Variants in WASHC3 observed in about 807,000 individuals in gnomAD.
The protein encoded by WASHC3 is WASH complex subunit 3.
In WASHC3, 24 loss-of-function variants were observed where a neutral mutation model predicts 26.1. The ratio of observed to expected loss-of-function variants is 0.92; its 90% CI spans 0.66 to 1.29. The LOEUF (loss-of-function observed/expected upper bound fraction) is 1.29, where lower values mean the gene tolerates loss of function less well. WASHC3 is among the 50% of genes most tolerant of loss of function. The pLI is 0.00. For missense variants in WASHC3, 214 were observed against 229.6 expected, an observed-to-expected ratio of 0.93 and a Z score of 0.44; for synonymous variants, 77 against 75.7, an observed-to-expected ratio of 1.02 and a Z score of -0.09.
chr12:102,017,924 T>C, intron 6 of WASHC3: 2 of 272,996 alleles, frequency 7.3e-6, no homozygotes, highest in South Asian at 3.3e-5. Context: ...TCCTGAACTC[T>C]CTTCATCTTG....
chr12:102,061,470 A>G, intron 1 of WASHC3, 124 bp from the exon 2 acceptor site: 1 of 686,766 alleles, frequency 1.5e-6, no homozygotes, highest in Non-Finnish European at 2.6e-6. Context: ...AGGACTGGGA[A>G]TAGTCATTAA....
intron 3 of WASHC3, among the ~76,000 whole-genome samples, chr12:102,044,976 G>A (rs1313685943): frequency 6.6e-6 from 1 of 151,966 alleles, no homozygotes; most frequent in African/African-American, 2.4e-5. Context: ...AAATAACTAA[G>A]GTTAACTTGT....
At chr12:102,018,381 C>T (rs1004877518) in intron 6 of WASHC3, among the ~76,000 whole-genome samples, 3 of 152,190 alleles carry the variant, frequency 2.0e-5, no homozygotes, top group Non-Finnish European at 4.4e-5. Context: ...GATCACAATA[C>T]TCTTTTCTGT....
intron 2 of WASHC3, among the ~76,000 whole-genome samples, chr12:102,060,514 C>T (rs1232884785): frequency 1.3e-5 from 2 of 152,236 alleles, no homozygotes; most frequent in African/African-American, 4.8e-5. Flanking sequence ...ATTTTCATTT[C>T]TATAATCATA....
chr12:102,054,171 A>G (rs923406731), intron 2 of WASHC3, among the ~76,000 whole-genome samples: 1 of 152,216 alleles, frequency 6.6e-6, no homozygotes, highest in African/African-American at 2.4e-5. Context: ...GAAGAAAGGA[A>G]CAAAAGATCT....
chr12:102,041,878 C>T (rs1298150380), intron 4 of WASHC3, among the ~76,000 whole-genome samples: 1 of 151,776 alleles, frequency 6.6e-6, no homozygotes, highest in Non-Finnish European at 1.5e-5. Flanking sequence ...AGAGATATAC[C>T]AGGTTATTCT....
intron 2 of WASHC3, 122 bp from the exon 3 acceptor site, chr12:102,046,241 T>C: frequency 1.7e-6 from 1 of 581,040 alleles, no homozygotes; most frequent in East Asian, 3.0e-5. Flanking sequence ...TACAGTACTG[T>C]CTTATTTACA....
At chr12:102,061,825 C>T in intron 1 of WASHC3, 87 bp downstream of exon 1, 1 of 1,206,594 alleles carries the variant, frequency 8.3e-7, no homozygotes, top group South Asian at 1.4e-5. Context: ...AGGGTGGGGA[C>T]TCGGAAGGTG....
At chr12:102,018,313 T>C (rs1447267629) in intron 6 of WASHC3, among the ~76,000 whole-genome samples, 1 of 152,226 alleles carries the variant, frequency 6.6e-6, no homozygotes, top group Non-Finnish European at 1.5e-5. Context: ...TTTCAATTCT[T>C]TTGGGTACAT....
intron 6 of WASHC3, among the ~76,000 whole-genome samples, chr12:102,019,826 C>G (rs1876873340): frequency 6.6e-6 from 1 of 152,084 alleles, no homozygotes; most frequent in African/African-American, 2.4e-5. Flanking sequence ...TAAAAATGAG[C>G]CAAAATATAC....
At chr12:102,057,915 A>G (rs965497337) in intron 2 of WASHC3, among the ~76,000 whole-genome samples, 1 of 152,074 alleles carries the variant, frequency 6.6e-6, no homozygotes, top group Non-Finnish European at 1.5e-5. Flanking sequence ...AAAATCCTAA[A>G]ATTCATACTG....
At chr12:102,047,116 A>G (rs564675526) in intron 2 of WASHC3, among the ~76,000 whole-genome samples, 1 of 152,360 alleles carries the variant, frequency 6.6e-6, no homozygotes, top group South Asian at 2.1e-4. Context: ...AAAGAAAGGT[A>G]GCATCATAAA....
rs548926958 is a variant in WASHC3 at position 102,031,598 on chromosome 12, A to G, written c.436-5560T>C. ...TCATTTGTATCTTTTCTTTATATTC[A>G]TAAGTGTGGCAAATCAAAGTCATTG... On this transcript the variant is annotated intron_variant, in intron 5 of 6. Transcript: ENST00000240079. Among the ~76,000 whole-genome samples, 5 of 152,294 alleles carry G rather than the reference A, an allele frequency of 3.3e-5. No individual in the cohort carries two copies. The East Asian group carries it at 5.8e-4, about 18-fold the overall frequency.
intron 6 of WASHC3, among the ~76,000 whole-genome samples, chr12:102,024,404 C>T (rs553314898): frequency 7.2e-5 from 11 of 152,210 alleles, no homozygotes; most frequent in East Asian, 5.8e-4. Flanking sequence ...GTGAACTAAA[C>T]GGCAATGGAT....
chr12:102,050,837 A>T (rs1282755734), intron 2 of WASHC3, among the ~76,000 whole-genome samples: 2 of 152,188 alleles, frequency 1.3e-5, no homozygotes, highest in African/African-American at 4.8e-5. Flanking sequence ...GTCCCAATGG[A>T]TGACCATAAG....
intron 6 of WASHC3, among the ~76,000 whole-genome samples, chr12:102,018,470 T>C (rs570770432): frequency 6.6e-6 from 1 of 152,286 alleles, no homozygotes; most frequent in Middle Eastern, 3.4e-3. Flanking sequence ...GTACTTATTG[T>C]CTTTGTTTGT....
chr12:102,030,351 T>C (rs930517759), intron 5 of WASHC3, among the ~76,000 whole-genome samples: 1 of 151,044 alleles, frequency 6.6e-6, no homozygotes, highest in African/African-American at 2.4e-5. Flanking sequence ...AGGATGTACA[T>C]TTAGGATGAA....
In WASHC3 at chr12:102,023,011, C is replaced by T. The variant is rs77873254; in HGVS notation, c.500+2963G>A. On this transcript the variant is annotated intron_variant, in intron 6 of 6. Transcript: ENST00000240079. ...TTTTAGAAGCTAAACAGGACTAATT[C>T]TTGGTTATATATAAATGATTATTTT... 2.0e-3 allele frequency among the ~76,000 whole-genome samples: 305 copies of T among 151,622 alleles called. 1 individual carries two copies. Among genetic ancestry groups the T allele is most frequent in the African/African-American group, 7.0e-3 (289 of 41,338 alleles).
rs1876552535 is a variant in WASHC3 at position 102,013,182 on chromosome 12, C to G, written c.511G>C (p.Ala171Pro). ...LDPDLLERPD[A>P]PVPDGESEKT... ...TCACTTTCGCCATCAGGCACTGGAG[C>G]ATCTGGCCTCCTAAAAGAAAAGAAA... The change falls in exon 7 of 7, where the codon GCT (alanine) becomes CCT (proline). Residue 171 changes from alanine (A) to proline (P), a missense_variant. Physicochemically the swap from Ala to Pro is conservative, Grantham distance 27. Transcript: ENST00000240079. 1 of 1,522,280 alleles carries G rather than the reference C, an allele frequency of 6.6e-7. No individual in the cohort carries two copies. The highest frequency in any genetic ancestry group is 1.2e-5 in the South Asian group (1 of 82,626). The allele number at this position is 1,522,280 out of a possible 1,614,324, so 94.3% of individuals were successfully genotyped here. A position where few individuals can be genotyped will look rare whatever the true frequency, so the allele number is the denominator to read the frequency against.
Sources: allele counts gnomAD v4.1 joint callset (sites outside exome capture counted in the v4.1 genomes callset), GRCh38; gene constraint gnomAD v4.1.1; transcripts MANE v1.5; gene names NCBI Gene and HGNC (gene_info 2026-07-23, HGNC 2026-07-21).